IL1RAPL1: variants seen among roughly 807,000 people sequenced by gnomAD.
IL1RAPL1 encodes the protein interleukin-1 receptor accessory protein-like 1.
Under a neutral mutation model 48.4 loss-of-function variants are expected in IL1RAPL1, and 3 were observed. The observed-to-expected ratio is 0.06, with a 90% confidence interval of 0.03 to 0.16. The LOEUF is 0.16. Among genes scored for constraint, IL1RAPL1 ranks in the 10% least tolerant of loss-of-function variants. The pLI, the probability that IL1RAPL1 is intolerant of heterozygous loss-of-function variation, is 1.00. For missense variants in IL1RAPL1, 349 were observed against 530.6 expected, an observed-to-expected ratio of 0.66 and a Z score of 3.36; for synonymous variants, 185 against 187.7, an observed-to-expected ratio of 0.99 and a Z score of 0.12.
At chrX:29,736,753 A>T (rs1217973505) in intron 6 of IL1RAPL1, among the ~76,000 whole-genome samples, 1 of 112,216 alleles carries the variant, frequency 8.9e-6, no homozygotes, top group East Asian at 2.8e-4. Flanking sequence ...TGACTGGGGT[A>T]TCTTTGGTTC....
chrX:29,024,687 A>G (rs1029703882), intron 2 of IL1RAPL1, among the ~76,000 whole-genome samples: 1 of 111,971 alleles, frequency 8.9e-6, no homozygotes, highest in Non-Finnish European at 1.9e-5. Context: ...ATGGGAATAA[A>G]TATCCGATTT....
intron 5 of IL1RAPL1, among the ~76,000 whole-genome samples, chrX:29,573,420 A>G (rs1164247858): frequency 8.9e-6 from 1 of 112,275 alleles, no homozygotes; most frequent in East Asian, 2.8e-4. Context: ...CCCAACTCAA[A>G]TAAGTTATAT....
intron 2 of IL1RAPL1, among the ~76,000 whole-genome samples, chrX:29,130,350 G>T (rs769387701): frequency 8.9e-6 from 1 of 111,960 alleles, no homozygotes; most frequent in East Asian, 2.8e-4. Context: ...AAAAATTCTT[G>T]ATTACATTGG....
At chrX:29,207,404 G>T (rs1012388794) in intron 2 of IL1RAPL1, among the ~76,000 whole-genome samples, 1 of 112,010 alleles carries the variant, frequency 8.9e-6, no homozygotes, top group African/African-American at 3.2e-5. Flanking sequence ...CCAAAATTTC[G>T]AATTTTGACC....
At chrX:29,404,670 A>G (rs1247389217) in intron 5 of IL1RAPL1, among the ~76,000 whole-genome samples, 1 of 111,844 alleles carries the variant, frequency 8.9e-6, no homozygotes, top group African/African-American at 3.2e-5. Flanking sequence ...TCAATTTAGA[A>G]TAAGAGAAAT....
intron 6 of IL1RAPL1, among the ~76,000 whole-genome samples, chrX:29,748,066 C>T (rs757719549): frequency 1.8e-5 from 2 of 112,104 alleles, no homozygotes; most frequent in East Asian, 2.8e-4. Flanking sequence ...GCCGTTGGGA[C>T]GCTTATAAAG....
At chrX:29,831,206 A>G (rs775867773) in intron 6 of IL1RAPL1, among the ~76,000 whole-genome samples, 27 of 111,805 alleles carry the variant, frequency 2.4e-4, no homozygotes, top group Non-Finnish European at 4.5e-4. Context: ...CAAACCAGAC[A>G]CAATGAAAGG....
chrX:29,351,820 A>T (rs1235490740), intron 3 of IL1RAPL1, among the ~76,000 whole-genome samples: 1 of 111,509 alleles, frequency 9.0e-6, no homozygotes, highest in African/African-American at 3.3e-5. Flanking sequence ...TACCATCATG[A>T]TCTGTAACCT....
chrX:29,562,036 CTAT>C (rs1173501044), intron 5 of IL1RAPL1, among the ~76,000 whole-genome samples: 1 of 19,948 alleles, frequency 5.0e-5, no homozygotes, highest in South Asian at 2.2e-3. Context: ...TTTTTCAATT[CTAT>C]CTATCTATCT....
chrX:29,039,437 C>T (rs1300196533), intron 2 of IL1RAPL1, among the ~76,000 whole-genome samples: 1 of 111,882 alleles, frequency 8.9e-6, no homozygotes, highest in Non-Finnish European at 1.9e-5. Flanking sequence ...CTGTCTTTCT[C>T]CTGAATGAAT....
intron 6 of IL1RAPL1, among the ~76,000 whole-genome samples, chrX:29,883,428 G>A (rs895315674): frequency 4.5e-5 from 5 of 111,846 alleles, no homozygotes; most frequent in African/African-American, 1.6e-4. Context: ...ATCCAAGAGA[G>A]AATTTTATTA....
intron 3 of IL1RAPL1, among the ~76,000 whole-genome samples, chrX:29,371,958 A>C (rs925392243): frequency 8.9e-6 from 1 of 112,284 alleles, no homozygotes; most frequent in African/African-American, 3.2e-5. Flanking sequence ...TATATACCAA[A>C]TAATGGGATT....
Position 29,034,050 on chromosome X carries a change from T to A in IL1RAPL1, c.82+244625T>A, listed in dbSNP as rs111687670. The stretch of plus-strand genomic sequence containing the variant: ...GAGTCTAACTTGGAAACCACATCAG[T>A]CATTTATATTATTGTCTAAAACCTT... On this transcript the variant is annotated intron_variant, in intron 2 of 10. Coordinates refer to ENST00000378993, the MANE Select transcript of IL1RAPL1 (RefSeq NM_014271.4). 6.1e-3 allele frequency among the ~76,000 whole-genome samples: 687 copies of A among 111,814 alleles called. 8 individuals carry two copies. Among genetic ancestry groups the A allele is most frequent in the African/African-American group, 0.021 (655 of 30,803 alleles).
intron 5 of IL1RAPL1, among the ~76,000 whole-genome samples, chrX:29,521,977 T>C (rs923414775): frequency 1.8e-5 from 2 of 111,242 alleles, no homozygotes; most frequent in Non-Finnish European, 3.8e-5. Flanking sequence ...GTGTGTCTTA[T>C]TCCTTCTGCA....
In IL1RAPL1 at chrX:29,508,928, T is replaced by A. The variant is rs755532160; in HGVS notation, c.703+109620T>A. On this transcript the variant is annotated intron_variant, in intron 5 of 10. Transcript: ENST00000378993. ...GTACTCTACAAATTCTAAGAGTAAC[T>A]TATAATTCTTTAAATTCTTTAACAT... Among the ~76,000 whole-genome samples the A allele has an allele frequency of 1.3e-4, 14 of 111,990 alleles. No individual in the cohort carries two copies. The South Asian group carries it at 4.8e-3, about 38-fold the overall frequency.
At chrX:29,318,895 A>G (rs958602495) in intron 3 of IL1RAPL1, among the ~76,000 whole-genome samples, 1 of 112,109 alleles carries the variant, frequency 8.9e-6, no homozygotes, top group Non-Finnish European at 1.9e-5. Flanking sequence ...AGTACTCATC[A>G]TTATAGATCA....
At chrX:28,825,745 C>T (rs1936988116) in intron 2 of IL1RAPL1, among the ~76,000 whole-genome samples, 1 of 110,927 alleles carries the variant, frequency 9.0e-6, no homozygotes, top group African/African-American at 3.3e-5. Context: ...ACGTTGGCCT[C>T]CTGATAATAA....
chrX:28,892,692 C>T (rs989052210), intron 2 of IL1RAPL1, among the ~76,000 whole-genome samples: 1 of 110,178 alleles, frequency 9.1e-6, no homozygotes, highest in Non-Finnish European at 1.9e-5. Flanking sequence ...AGGGCTGCTT[C>T]GAGGTGGATT....
intron 6 of IL1RAPL1, among the ~76,000 whole-genome samples, chrX:29,792,949 T>C (rs1280562549): frequency 2.7e-5 from 3 of 111,650 alleles, no homozygotes; most frequent in Admixed American, 9.6e-5. Flanking sequence ...GGTAAGGCAT[T>C]TGTTAACTAG....
Sources: allele counts gnomAD v4.1 joint callset (sites outside exome capture counted in the v4.1 genomes callset), GRCh38; gene constraint gnomAD v4.1.1; transcripts MANE v1.5; gene names NCBI Gene and HGNC (gene_info 2026-07-23, HGNC 2026-07-21).